MTUS1: variants seen among roughly 807,000 people sequenced by gnomAD.
MTUS1 encodes the protein microtubule-associated tumor suppressor 1.
MTUS1 carries 109 observed loss-of-function variants against 120.8 expected under a neutral mutation model. The observed-to-expected ratio is 0.90, with a 90% confidence interval of 0.77 to 1.06. MTUS1 has a LOEUF of 1.06. MTUS1 is among the 50% of genes least tolerant of loss of function. MTUS1 has a pLI of 0.00. For synonymous variants in MTUS1, 737 were observed against 550.5 expected (o/e 1.34, Z -4.74); for missense variants, 2,210 against 1,486.3 (o/e 1.49, Z -8.01).
At chr8:17,708,096 A>G (rs1820522245) in intron 6 of MTUS1, among the ~76,000 whole-genome samples, 2 of 152,236 alleles carry the variant, frequency 1.3e-5, no homozygotes, top group African/African-American at 4.8e-5. Flanking sequence ...CAAAAGAAAA[A>G]AAGTTGATAA....
At chr8:17,699,189 A>G (rs560575139) in intron 6 of MTUS1, among the ~76,000 whole-genome samples, 23 of 152,240 alleles carry the variant, frequency 1.5e-4, no homozygotes, top group African/African-American at 5.1e-4. Flanking sequence ...CTTCAGTAAC[A>G]GCAAATTCTA....
chr8:17,717,536 A>G (rs920714965), intron 4 of MTUS1, among the ~76,000 whole-genome samples: 4 of 152,252 alleles, frequency 2.6e-5, no homozygotes, highest in East Asian at 1.9e-4. Context: ...ATATTCAGCA[A>G]CAAATAAGTC....
chr8:17,721,970 T>A, intron 4 of MTUS1: 1 of 1,472,120 alleles, frequency 6.8e-7, no homozygotes. Flanking sequence ...CCCTCATGCT[T>A]GCTCTTAGTG....
chr8:17,733,824 C>T (rs139486082), intron 3 of MTUS1, among the ~76,000 whole-genome samples: 1 of 152,294 alleles, frequency 6.6e-6, no homozygotes, highest in Non-Finnish European at 1.5e-5. Flanking sequence ...ATTCTACCTT[C>T]TAGTATCTCA....
At chr8:17,791,391 C>T (rs1276455394) in intron 1 of MTUS1, among the ~76,000 whole-genome samples, 1 of 152,090 alleles carries the variant, frequency 6.6e-6, no homozygotes, top group East Asian at 1.9e-4. Flanking sequence ...ACAATTGAAA[C>T]TCTAAAATAC....
chr8:17,694,085 A>AT (rs1817489286), intron 6 of MTUS1, among the ~76,000 whole-genome samples: 1 of 152,078 alleles, frequency 6.6e-6, no homozygotes, highest in Non-Finnish European at 1.5e-5. Context: ...TTACCTATTA[A>AT]TTTTTTGTGT....
At chr8:17,745,453 A>G (rs546041193) in intron 2 of MTUS1, among the ~76,000 whole-genome samples, 2 of 152,074 alleles carry the variant, frequency 1.3e-5, no homozygotes, top group South Asian at 2.1e-4. Context: ...AACACTGCAG[A>G]TTTTTTTTCT....
At chr8:17,661,127 C>T (rs1379281754) in intron 8 of MTUS1, among the ~76,000 whole-genome samples, 1 of 152,082 alleles carries the variant, frequency 6.6e-6, no homozygotes, top group South Asian at 2.1e-4. Context: ...GTTAGTCAAA[C>T]GAGTAAACAC....
At chr8:17,682,133 G>A (rs555439978) in intron 7 of MTUS1, among the ~76,000 whole-genome samples, 16 of 152,270 alleles carry the variant, frequency 1.1e-4, no homozygotes, top group East Asian at 1.9e-4. Flanking sequence ...AATCAGCAGC[G>A]TGGGATGCTT....
At chr8:17,704,730 T>A (rs1448950246) in intron 6 of MTUS1, among the ~76,000 whole-genome samples, 1 of 152,234 alleles carries the variant, frequency 6.6e-6, no homozygotes, top group Non-Finnish European at 1.5e-5. Flanking sequence ...TTGTCAAGAT[T>A]GTTTTGGCTA....
intron 3 of MTUS1, among the ~76,000 whole-genome samples, chr8:17,736,593 T>TC (rs1415314000): frequency 7.6e-4 from 115 of 152,036 alleles, no homozygotes; most frequent in African/African-American, 2.7e-3. Flanking sequence ...ATTTTTTGCT[T>TC]GTTTTTTTTG....
At chr8:17,721,733 C>G in intron 4 of MTUS1, 1 of 1,579,384 alleles carries the variant, frequency 6.3e-7, no homozygotes, top group Non-Finnish European at 8.6e-7. Context: ...GTAAACGTGG[C>G]TAACAAAGGA....
chr8:17,722,239 A>C, intron 4 of MTUS1: 5 of 997,270 alleles, frequency 5.0e-6, no homozygotes, highest in Non-Finnish European at 4.8e-6. Flanking sequence ...TGGCCAAGTC[A>C]ACATGGATGT....
rs574934419 is a variant in MTUS1, at chr8:17,645,923, G to T, written c.*3C>A. On this transcript the variant is annotated 3_prime_UTR_variant, in exon 15 of 15. Transcript: ENST00000693296. ...CAGAGAGTCTGTGGACTTTGGGGAGGTGTCATCTGGGTGAAATGCTGGGGC... is the reference window on the plus strand; with the variant it reads ...CAGAGAGTCTGTGGACTTTGGGGAGTTGTCATCTGGGTGAAATGCTGGGGC... 6 of 1,609,740 alleles carry T rather than the reference G, an allele frequency of 3.7e-6. No individual in the cohort carries two copies. The highest frequency in any genetic ancestry group is 4.2e-6 in the Non-Finnish European group (5 of 1,179,014).
At chr8:17,741,418 G>A (rs1412219201) in intron 3 of MTUS1, among the ~76,000 whole-genome samples, 1 of 152,146 alleles carries the variant, frequency 6.6e-6, no homozygotes, top group Non-Finnish European at 1.5e-5. Context: ...CATTAACTTT[G>A]TTTCCATTCA....
chr8:17,762,038 G>T (rs984552648), intron 1 of MTUS1, among the ~76,000 whole-genome samples: 1 of 152,152 alleles, frequency 6.6e-6, no homozygotes, highest in Non-Finnish European at 1.5e-5. Flanking sequence ...CCAAGACTTT[G>T]GGAAGCCGAG....
chr8:17,698,404 A>T (rs10086927), intron 6 of MTUS1, among the ~76,000 whole-genome samples: 11 of 152,170 alleles, frequency 7.2e-5, no homozygotes, highest in African/African-American at 2.7e-4. Context: ...AGAACTTGAA[A>T]AACAAAGATA....
In MTUS1 at chr8:17,754,254, T is replaced by G; in HGVS notation, c.1554A>C (p.Ala518=). 6.2e-7 allele frequency: 1 copy of G among 1,614,160 alleles called. No individual in the cohort carries two copies. Among genetic ancestry groups the G allele is most frequent in the Non-Finnish European group, 8.5e-7 (1 of 1,180,028 alleles). ...AAGCAGCATCTTTGGGCTGCAACACTGCTCTAGACATAACTTTTGCTTTGA... is the reference window on the plus strand; with the variant it reads ...AAGCAGCATCTTTGGGCTGCAACACGGCTCTAGACATAACTTTTGCTTTGA... ...KNVKAKVMSR[A]VLQPKDAALS... The change falls in exon 2 of 15, where the codon GCA becomes GCC. Residue 518 remains alanine, a synonymous_variant. Transcript: ENST00000693296.
chr8:17,747,077 T>C (rs17690761), intron 2 of MTUS1, among the ~76,000 whole-genome samples: 12,647 of 152,188 alleles, frequency 0.083, 656 homozygotes, highest in East Asian at 0.18. Context: ...GGGCAATCTC[T>C]CTCAAACTCG....
Sources: gnomAD v4.1 joint callset for allele counts (sites outside exome capture counted in the v4.1 genomes callset) on GRCh38, gnomAD v4.1.1 for gene constraint, MANE v1.5 for transcripts, NCBI Gene and HGNC (gene_info 2026-07-23, HGNC 2026-07-21) for gene names.